The following BLTP1 variants were observed in gnomAD, a reference collection of about 807,000 sequenced individuals.
The protein encoded by BLTP1 is bridge-like lipid transfer protein family member 1.
chr4:122,237,015 T>TG, the BLTP1 span: 3 of 985,242 alleles, frequency 3.0e-6, no homozygotes, highest in Non-Finnish European at 2.4e-6. Context: ...ACTATGTTCC[T>TG]GTATCACTTA....
At chr4:122,158,807 A>G in the BLTP1 span, among the ~76,000 whole-genome samples, 1 of 152,150 alleles carries the variant, frequency 6.6e-6, no homozygotes, top group Non-Finnish European at 1.5e-5. Flanking sequence ...TATTTTGATA[A>G]GTATTTAGGT....
the BLTP1 span, chr4:122,345,178 G>T: frequency 3.8e-5 from 12 of 315,610 alleles, no homozygotes; most frequent in African/African-American, 2.7e-4. Flanking sequence ...TTTTACCTGA[G>T]ATTGCTAGGT....
chr4:122,356,585 A>C, the BLTP1 span: 1 of 1,600,170 alleles, frequency 6.2e-7, no homozygotes, highest in South Asian at 1.1e-5. Flanking sequence ...TGGGAAGATG[A>C]CTCATTTTAT....
At chr4:122,190,327 C>T in the BLTP1 span, 2 of 697,550 alleles carry the variant, frequency 2.9e-6, no homozygotes, top group Non-Finnish European at 3.5e-6. Context: ...AATTCCTGGC[C>T]TTAAGTGATC....
At chr4:122,224,063 CT>C in the BLTP1 span, 1 of 982,628 alleles carries the variant, frequency 1.0e-6, no homozygotes. Context: ...TGGAAGTTTA[CT>C]TTTCCCCACC....
At chr4:122,186,610 T>G in the BLTP1 span, among the ~76,000 whole-genome samples, 1 of 152,038 alleles carries the variant, frequency 6.6e-6, no homozygotes, top group African/African-American at 2.4e-5. Flanking sequence ...ATAGTGTGTA[T>G]TGTTCTGTAA....
the BLTP1 span, chr4:122,206,047 G>A: frequency 1.0e-6 from 1 of 983,112 alleles, no homozygotes; most frequent in South Asian, 4.7e-5. Context: ...AAAACTTAAA[G>A]TACCAAAGGG....
the BLTP1 span, chr4:122,246,294 C>A: frequency 1.9e-6 from 3 of 1,566,642 alleles, no homozygotes; most frequent in South Asian, 1.2e-5. Flanking sequence ...GTTAGCATAC[C>A]AAAGGTAACA....
At chr4:122,272,830 G>T in the BLTP1 span, among the ~76,000 whole-genome samples, 1 of 151,850 alleles carries the variant, frequency 6.6e-6, no homozygotes, top group African/African-American at 2.4e-5. Context: ...AATTTCCTAG[G>T]TTAGTGAAAA....
the BLTP1 span, chr4:122,333,921 C>T: frequency 1.5e-6 from 2 of 1,331,050 alleles, no homozygotes; most frequent in Non-Finnish European, 2.0e-6. Flanking sequence ...TTAGTGACTT[C>T]TTTGTCTAAT....
chr4:122,201,883 G>T, the BLTP1 span: 4 of 984,766 alleles, frequency 4.1e-6, no homozygotes, highest in Non-Finnish European at 4.8e-6. Context: ...TCTCATCGAT[G>T]CTGAGTACTA....
the BLTP1 span, among the ~76,000 whole-genome samples, chr4:122,291,516 G>C: frequency 6.6e-6 from 1 of 152,062 alleles, no homozygotes; most frequent in Non-Finnish European, 1.5e-5. Flanking sequence ...GACATTTTCT[G>C]TTATGTAGGA....
At chr4:122,337,094 T>C in the BLTP1 span, 1 of 1,341,732 alleles carries the variant, frequency 7.5e-7, no homozygotes, top group Non-Finnish European at 1.0e-6. Context: ...CATTTCAACA[T>C]TATTACTGTT....
chr4:122,228,766 C>T, the BLTP1 span, among the ~76,000 whole-genome samples: 1 of 152,136 alleles, frequency 6.6e-6, no homozygotes, highest in Non-Finnish European at 1.5e-5. Context: ...CCTTACAACT[C>T]TAAACTCATA....
At chr4:122,162,767 A>G in the BLTP1 span, 3 of 527,020 alleles carry the variant, frequency 5.7e-6, no homozygotes, top group Non-Finnish European at 7.3e-6. Context: ...AAGAAGAAAA[A>G]GGATGAAGTA....
the BLTP1 span, among the ~76,000 whole-genome samples, chr4:122,285,233 T>G: frequency 6.6e-6 from 1 of 152,154 alleles, no homozygotes; most frequent in Admixed American, 6.5e-5. Context: ...CCCAAAATTC[T>G]TATTGAAATT....
the BLTP1 span, chr4:122,198,516 GT>G: frequency 3.0e-5 from 26 of 863,732 alleles, no homozygotes; most frequent in Non-Finnish European, 3.5e-5. Context: ...TATTTTTACT[GT>G]TTTATGCAGT....
At chr4:122,159,220 T>G in the BLTP1 span, among the ~76,000 whole-genome samples, 1 of 152,086 alleles carries the variant, frequency 6.6e-6, no homozygotes, top group Admixed American at 6.6e-5. Flanking sequence ...TCCCAGCACT[T>G]TGGGAGGCCG....
chr4:122,160,141 A>G, the BLTP1 span, among the ~76,000 whole-genome samples: 2 of 152,190 alleles, frequency 1.3e-5, no homozygotes, highest in Non-Finnish European at 2.9e-5. Flanking sequence ...TTTGTCGCCC[A>G]TCTCTTTTGA....
Sources: allele counts gnomAD v4.1 joint callset (sites outside exome capture counted in the v4.1 genomes callset), GRCh38; gene constraint gnomAD v4.1.1; transcripts MANE v1.5; gene names NCBI Gene and HGNC (gene_info 2026-07-23, HGNC 2026-07-21).